The following FBXW7 variants were observed in gnomAD, a reference collection of about 807,000 sequenced individuals.
FBXW7 encodes the protein F-box and WD repeat domain containing 7.
In FBXW7, 11 loss-of-function variants were observed where a neutral mutation model predicts 86.3. The observed-to-expected ratio is 0.13, with a 90% CI of 0.08 to 0.21. The LOEUF (loss-of-function observed/expected upper bound fraction) is 0.21, where lower values mean the gene tolerates loss of function less well. Ranked by LOEUF, FBXW7 falls within the 10% of genes least tolerant of loss-of-function variation. The pLI is 1.00. For synonymous variants in FBXW7, 313 were observed against 297.9 expected, an observed-to-expected ratio of 1.05 and a Z score of -0.52; for missense variants, 488 against 847.4, an observed-to-expected ratio of 0.58 and a Z score of 5.27.
At chr4:152,354,844 AC>A (rs1732218128) in intron 4 of FBXW7, among the ~76,000 whole-genome samples, 1 of 152,126 alleles carries the variant, frequency 6.6e-6, no homozygotes, top group Non-Finnish European at 1.5e-5. Flanking sequence ...AAAATGATAT[AC>A]AAAAAATTCT....
intron 2 of FBXW7, among the ~76,000 whole-genome samples, chr4:152,467,315 G>A (rs1743543612): frequency 6.6e-6 from 1 of 152,120 alleles, no homozygotes. Flanking sequence ...TCTCCTTGCT[G>A]TCACCATGTG....
chr4:152,404,987 G>C lies in FBXW7; in HGVS notation c.501+6316C>G, dbSNP rs1384102176. The stretch of plus-strand genomic sequence containing the variant: ...GCCACGAGTGGTCCCAGTTACTCGG[G>C]AGGCTGAGGTGGGAGAATTGCTTAA... On this transcript the variant is annotated intron_variant, in intron 4 of 13. Coordinates refer to ENST00000281708, the MANE Select transcript of FBXW7 (RefSeq NM_001349798.2). Among the ~76,000 whole-genome samples the C allele has an allele frequency of 2.0e-5, 3 of 151,292 alleles. No individual in the cohort carries two copies. The East Asian group carries it at 5.8e-4, about 29-fold the overall frequency.
At position 152,535,526 on chromosome 4, in the gene FBXW7, C is replaced by T. The variant is rs1365231549; in HGVS notation, c.-612G>A. The T allele has an allele frequency of 1.0e-5, 4 of 395,604 alleles. No individual in the cohort carries two copies. The highest frequency in any genetic ancestry group is 1.8e-5 in the Non-Finnish European group (4 of 224,182). The allele number at this position is 395,604 out of a possible 1,614,324, so 24.5% of individuals were successfully genotyped here. A position where few individuals can be genotyped will look rare whatever the true frequency, so the allele number is the denominator to read the frequency against. On this transcript the variant is annotated 5_prime_UTR_variant, in exon 1 of 14. Transcript: ENST00000281708. Reference sequence around the variant, plus strand: ...GGGTGGTTGCCGAGCTTGGTTGGGGCCCCGGTTCATACACTCCGGGGCAAG... The same window carrying T: ...GGGTGGTTGCCGAGCTTGGTTGGGGTCCCGGTTCATACACTCCGGGGCAAG...
chr4:152,458,465 G>A (rs565517476), intron 2 of FBXW7, among the ~76,000 whole-genome samples: 1 of 152,220 alleles, frequency 6.6e-6, no homozygotes, highest in East Asian at 1.9e-4. Context: ...TAGAAGATAC[G>A]CATCATCTCA....
At chr4:152,481,124 G>C (rs1475251811) in intron 2 of FBXW7, among the ~76,000 whole-genome samples, 1 of 152,190 alleles carries the variant, frequency 6.6e-6, no homozygotes, top group Non-Finnish European at 1.5e-5. Flanking sequence ...AGCATGTTAG[G>C]AGCCAATGCT....
intron 4 of FBXW7, among the ~76,000 whole-genome samples, chr4:152,350,428 T>A (rs780180854): frequency 1.1e-3 from 165 of 151,828 alleles, no homozygotes; most frequent in Non-Finnish European, 1.5e-3. Flanking sequence ...TTTTCCAATT[T>A]AATAACCAAC....
At chr4:152,396,374 G>A (rs1181033302) in intron 4 of FBXW7, among the ~76,000 whole-genome samples, 2 of 151,610 alleles carry the variant, frequency 1.3e-5, no homozygotes, top group African/African-American at 2.4e-5. Context: ...TCCCAACATC[G>A]TCCTTCCCCA....
intron 2 of FBXW7, among the ~76,000 whole-genome samples, chr4:152,431,086 G>A (rs768646449): frequency 1.3e-5 from 2 of 152,206 alleles, no homozygotes; most frequent in African/African-American, 4.8e-5. Context: ...TGTCAATAGC[G>A]ATTGCCAGGC....
intron 2 of FBXW7, among the ~76,000 whole-genome samples, chr4:152,496,532 G>A (rs1413254032): frequency 6.6e-6 from 1 of 151,954 alleles, no homozygotes; most frequent in Non-Finnish European, 1.5e-5. Flanking sequence ...ACAAAAATCA[G>A]CCAGGCATGG....
At chr4:152,506,233 G>A (rs1048467427) in intron 2 of FBXW7, among the ~76,000 whole-genome samples, 3 of 152,120 alleles carry the variant, frequency 2.0e-5, no homozygotes, top group Non-Finnish European at 2.9e-5. Flanking sequence ...CCAGGTTCCC[G>A]TCATTCTCCT....
At chr4:152,505,528 T>C (rs1747339833) in intron 2 of FBXW7, among the ~76,000 whole-genome samples, 1 of 152,158 alleles carries the variant, frequency 6.6e-6, no homozygotes, top group South Asian at 2.1e-4. Context: ...AAAAAAAATT[T>C]TTTTAACTTT....
Position 152,534,931 on chromosome 4 carries a change from G to A in FBXW7, c.-120+10C>T, listed in dbSNP as rs1750370125. ...TCTCCCCCTCAATTCCCTCTCCCGGGGCCACTCACACTTTTAGAAAAGAGC... is the reference window on the plus strand; with the variant it reads ...TCTCCCCCTCAATTCCCTCTCCCGGAGCCACTCACACTTTTAGAAAAGAGC... On this transcript the variant is annotated intron_variant, in intron 2 of 13. Coordinates refer to ENST00000281708, the MANE Select transcript of FBXW7 (RefSeq NM_001349798.2). 6.6e-6 allele frequency: 1 copy of A among 152,174 alleles called. No homozygotes were observed. The highest frequency in any genetic ancestry group is 2.4e-5 in the African/African-American group (1 of 41,422). The allele number at this position is 152,174 out of a possible 1,614,324, so 9.4% of individuals were successfully genotyped here. A position where few individuals can be genotyped will look rare whatever the true frequency, so the allele number is the denominator to read the frequency against.
At chr4:152,430,665 T>C (rs764977176) in intron 2 of FBXW7, among the ~76,000 whole-genome samples, 1 of 152,086 alleles carries the variant, frequency 6.6e-6, no homozygotes, top group Non-Finnish European at 1.5e-5. Context: ...GGTGGTAGGT[T>C]TGGCTTTTTC....
rs1728693193 is a variant in FBXW7 at position 152,323,142 on chromosome 4, G to A, written c.1863C>T (p.Asn621=). 2 of 1,612,542 alleles carry A rather than the reference G, an allele frequency of 1.2e-6. No homozygotes were observed. Among genetic ancestry groups the A allele is most frequent in the African/African-American group, 1.3e-5 (1 of 74,852 alleles). ...AACAGGTCACAGCACTCTGATGCTT[G>A]TTGGGACCTAGACAAAAACCAAAAG... The part of the protein sequence containing the change: ...GQCLQTLQGP[N]KHQSAVTCLQ... The change falls in exon 14 of 14, where the codon AAC becomes AAT. Residue 621 remains asparagine (N), a synonymous_variant. Coordinates refer to ENST00000281708, the MANE Select transcript of FBXW7 (RefSeq NM_001349798.2).
At chr4:152,489,007 T>C (rs1745600769) in intron 2 of FBXW7, among the ~76,000 whole-genome samples, 1 of 152,016 alleles carries the variant, frequency 6.6e-6, no homozygotes, top group East Asian at 1.9e-4. Context: ...ATAAAGAATA[T>C]AATTAACAGA....
intron 2 of FBXW7, among the ~76,000 whole-genome samples, chr4:152,467,485 GCCCCT>G (rs2149644730): frequency 6.6e-6 from 1 of 152,090 alleles, no homozygotes; most frequent in Admixed American, 6.6e-5. Context: ...ATTAAGGATG[GCCCCT>G]CCCTTCTTCA....
At chr4:152,467,476 T>A (rs893601252) in intron 2 of FBXW7, among the ~76,000 whole-genome samples, 1 of 152,156 alleles carries the variant, frequency 6.6e-6, no homozygotes, top group Non-Finnish European at 1.5e-5. Flanking sequence ...ATAACATCTA[T>A]TAAGGATGGC....
chr4:152,504,921 T>G (rs1384080911), intron 2 of FBXW7, among the ~76,000 whole-genome samples: 2 of 152,170 alleles, frequency 1.3e-5, no homozygotes, highest in Non-Finnish European at 2.9e-5. Context: ...GTATTGCAAT[T>G]TTTAAAATAA....
chr4:152,492,726 A>G (rs1236192556), intron 2 of FBXW7, among the ~76,000 whole-genome samples: 3 of 152,202 alleles, frequency 2.0e-5, no homozygotes, highest in African/African-American at 7.2e-5. Flanking sequence ...AGGAAAAGGT[A>G]TATTACGCCT....
Sources: gnomAD v4.1 joint callset for allele counts (sites outside exome capture counted in the v4.1 genomes callset) on GRCh38, gnomAD v4.1.1 for gene constraint, MANE v1.5 for transcripts, NCBI Gene and HGNC (gene_info 2026-07-23, HGNC 2026-07-21) for gene names.